The following SLC2A9 variants were observed in gnomAD, a reference collection of about 807,000 sequenced individuals.
The protein encoded by SLC2A9 is solute carrier family 2, facilitated glucose transporter member 9.
SLC2A9 carries 39 observed loss-of-function variants against 50.6 expected under a neutral mutation model. That is an observed-to-expected ratio of 0.77 (90% CI 0.60 to 1.01). The LOEUF (loss-of-function observed/expected upper bound fraction) is 1.01. Among genes scored for constraint, SLC2A9 ranks in the 50% least tolerant of loss-of-function variants. The probability of loss-of-function intolerance (pLI) is 0.00; values close to 1 mark genes in which losing one functional copy is unlikely to be tolerated. For missense variants in SLC2A9, 686 were observed against 677.6 expected (o/e 1.01, Z -0.14); for synonymous variants, 324 against 276.9 (o/e 1.17, Z -1.69).
chr4:9,984,754 C>T (rs919174498), intron 4 of SLC2A9, among the ~76,000 whole-genome samples: 1 of 152,316 alleles, frequency 6.6e-6, no homozygotes, highest in Non-Finnish European at 1.5e-5. Context: ...CTAGCCCAGT[C>T]CCTTCCCCTG....
At chr4:9,933,752 A>G (rs889652833) in intron 6 of SLC2A9, among the ~76,000 whole-genome samples, 1 of 152,104 alleles carries the variant, frequency 6.6e-6, no homozygotes, top group Non-Finnish European at 1.5e-5. Flanking sequence ...ATTAAAATTG[A>G]GTGTTGCAGG....
chr4:10,025,724 C>A, upstream of SLC2A9: 1 of 618,042 alleles, frequency 1.6e-6, no homozygotes, highest in Non-Finnish European at 2.9e-6. Context: ...TGAGCCTCAT[C>A]CCAGACACTC....
chr4:9,814,119 A>G (rs549795923), intron 3 of SLC2A9, among the ~76,000 whole-genome samples: 321 of 152,306 alleles, frequency 2.1e-3, no homozygotes, highest in Non-Finnish European at 3.8e-3. Flanking sequence ...CAGCCTGGGC[A>G]ACAGAGTGAG....
intron 10 of SLC2A9, among the ~76,000 whole-genome samples, chr4:9,886,474 G>C (rs1192514020): frequency 7.9e-6 from 1 of 126,684 alleles, no homozygotes; most frequent in African/African-American, 3.0e-5. Flanking sequence ...GTGTGTGTGT[G>C]CTGTGTGCAT....
chr4:10,016,421 C>T (rs569243012), intron 2 of SLC2A9, among the ~76,000 whole-genome samples: 17 of 152,248 alleles, frequency 1.1e-4, no homozygotes, highest in African/African-American at 4.1e-4. Flanking sequence ...GTGCACTGAG[C>T]TGATTAACGC....
upstream of SLC2A9, among the ~76,000 whole-genome samples, chr4:10,024,522 A>C (rs1763690793): frequency 6.6e-6 from 1 of 152,224 alleles, no homozygotes; most frequent in Non-Finnish European, 1.5e-5. Flanking sequence ...GGGAGGCTTC[A>C]GAAGGAACTA....
intron 7 of SLC2A9, among the ~76,000 whole-genome samples, chr4:9,914,150 G>A (rs972217105): frequency 4.6e-5 from 7 of 152,340 alleles, no homozygotes; most frequent in African/African-American, 1.7e-4. Flanking sequence ...CTACCTCTGG[G>A]TGAGAAGGAA....
chr4:9,866,203 A>G (rs1435787771), intron 10 of SLC2A9, among the ~76,000 whole-genome samples: 2 of 151,914 alleles, frequency 1.3e-5, no homozygotes, highest in African/African-American at 4.8e-5. Flanking sequence ...GATGCTAATT[A>G]CTATTGTATT....
chr4:9,782,186 T>C (rs756368276), intron 3 of SLC2A9: 8 of 1,606,080 alleles, frequency 5.0e-6, no homozygotes, highest in Non-Finnish European at 6.8e-6. Context: ...ACTCATCATC[T>C]GGACCCTGCT....
intron 7 of SLC2A9, among the ~76,000 whole-genome samples, chr4:9,911,093 A>G (rs1241762520): frequency 1.3e-5 from 2 of 152,092 alleles, no homozygotes; most frequent in Non-Finnish European, 2.9e-5. Context: ...GCACGTGTAT[A>G]CCTATGTAAC....
At position 9,890,697 on chromosome 4, in the gene SLC2A9, C is replaced by G. The variant is rs780509545; in HGVS notation, c.1128G>C (p.Glu376Asp). The G allele has an allele frequency of 6.8e-6, 11 of 1,613,900 alleles. No individual in the cohort carries two copies. Among genetic ancestry groups the G allele is most frequent in the South Asian group, 6.6e-5 (6 of 91,066 alleles). The change falls in exon 9 of 12, where the codon GAG (glutamate) becomes GAC (aspartate). Residue 376 changes from glutamate (E) to aspartate (D), a missense_variant. Transcript: ENST00000264784. ...TGAGGAGGGGTCTCCGTCCCAGGTG[C>G]TCAATGACCAAACCCTAGTCCAGGG... Reference protein sequence around the residue: ...LAAVFSGLVIEHLGRRPLLIG... With the variant: ...LAAVFSGLVIDHLGRRPLLIG...
chr4:9,935,052 T>A (rs1333691284), intron 6 of SLC2A9, among the ~76,000 whole-genome samples: 2 of 152,260 alleles, frequency 1.3e-5, no homozygotes, highest in African/African-American at 4.8e-5. Flanking sequence ...TCATCCAGTC[T>A]ATCATTGATG....
intron 6 of SLC2A9, among the ~76,000 whole-genome samples, chr4:9,938,876 G>C (rs1455459947): frequency 6.6e-6 from 1 of 152,184 alleles, no homozygotes; most frequent in Non-Finnish European, 1.5e-5. Flanking sequence ...ATAAGACCCA[G>C]GGCCTGGGAC....
chr4:9,809,528 G>A (rs999992078), intron 3 of SLC2A9, among the ~76,000 whole-genome samples: 2 of 152,208 alleles, frequency 1.3e-5, no homozygotes, highest in Non-Finnish European at 2.9e-5. Flanking sequence ...AGGAAGAATC[G>A]TGGAAAGGCT....
chr4:9,952,018 G>T (rs952230527), intron 5 of SLC2A9, among the ~76,000 whole-genome samples: 15 of 152,218 alleles, frequency 9.9e-5, no homozygotes, highest in African/African-American at 3.4e-4. Flanking sequence ...AGCCAAGAAA[G>T]AGAGTGCCCT....
intron 1 of SLC2A9, chr4:9,771,459 C>A (rs1716803463): frequency 5.0e-6 from 2 of 398,780 alleles, no homozygotes; most frequent in Admixed American, 4.4e-5. Flanking sequence ...TTCCTGTTTT[C>A]CAGAACTCAG....
rs776475141 is a variant in SLC2A9, at chr4:9,826,528, C to T, written c.1492G>A (p.Val498Met). 5 of 1,613,974 alleles carry T rather than the reference C, an allele frequency of 3.1e-6. No homozygotes were observed. The highest frequency in any genetic ancestry group is 1.7e-5 in the Admixed American group (1 of 60,004). ...GTTCTGTTTTTGGTCTCAGGCAGCA[C>T]AAAATACAGGTAGATAGCACCTGTG... ...CITGAIYLYFVLPETKNRTYA... is the reference protein window; with the variant it reads ...CITGAIYLYFMLPETKNRTYA... The change falls in exon 12 of 12, where the codon GTG (valine) becomes ATG (methionine). Residue 498 changes from valine (V) to methionine (M), a missense_variant. By Grantham distance (21) the Val-to-Met change is conservative. Transcript: ENST00000264784.
intron 6 of SLC2A9, among the ~76,000 whole-genome samples, chr4:9,938,902 A>G (rs907493174): frequency 2.0e-5 from 3 of 152,150 alleles, no homozygotes; most frequent in East Asian, 1.9e-4. Flanking sequence ...CCCTGCCACT[A>G]TGAACTGGGG....
At chr4:9,967,654 A>C (rs1024487366) in intron 5 of SLC2A9, among the ~76,000 whole-genome samples, 3 of 151,976 alleles carry the variant, frequency 2.0e-5, no homozygotes, top group African/African-American at 7.2e-5. Flanking sequence ...ATATAAACAA[A>C]AAGAATCCAG....
Sources: gnomAD v4.1 joint callset for allele counts (sites outside exome capture counted in the v4.1 genomes callset) on GRCh38, gnomAD v4.1.1 for gene constraint, MANE v1.5 for transcripts, NCBI Gene and HGNC (gene_info 2026-07-23, HGNC 2026-07-21) for gene names.